The following ABCA1 variants were observed in gnomAD, a reference collection of about 807,000 sequenced individuals.
ABCA1 encodes the protein phospholipid-transporting ATPase ABCA1.
Under a neutral mutation model 262.5 loss-of-function variants are expected in ABCA1, and 133 were observed. The ratio of observed to expected loss-of-function variants is 0.51; its 90% CI spans 0.44 to 0.59. The LOEUF is 0.59. Ranked by LOEUF, ABCA1 falls within the 20% of genes least tolerant of loss-of-function variation. ABCA1 has a pLI of 0.00. For synonymous variants in ABCA1, 1,022 were observed against 1,043.5 expected (o/e 0.98, Z 0.40); for missense variants, 2,452 against 2,777.5 (o/e 0.88, Z 2.63).
chr9:104,903,010 C>T (rs1840791633), intron 2 of ABCA1, among the ~76,000 whole-genome samples: 1 of 152,188 alleles, frequency 6.6e-6, no homozygotes, highest in Admixed American at 6.5e-5. Flanking sequence ...TCACTCTGCT[C>T]TACAGCCCTC....
chr9:104,842,581 C>A (rs1048728497), intron 8 of ABCA1, among the ~76,000 whole-genome samples: 3 of 152,200 alleles, frequency 2.0e-5, no homozygotes, highest in African/African-American at 7.2e-5. Flanking sequence ...AGCTCACACT[C>A]CAAACTTTAT....
At chr9:104,813,418 T>A (rs974726739) in intron 27 of ABCA1, among the ~76,000 whole-genome samples, 2 of 152,202 alleles carry the variant, frequency 1.3e-5, no homozygotes, top group Admixed American at 1.3e-4. Flanking sequence ...TAATTCTTTT[T>A]TTTTCTTTTT....
At position 104,810,958 on chromosome 9, in the gene ABCA1, G is replaced by A. The variant is rs115666991; in HGVS notation, c.4051-34C>T. 2.7e-3 allele frequency: 4,328 copies of A among 1,613,650 alleles called. 68 individuals carry two copies. The African/African-American group carries it at 0.037, about 14-fold the overall frequency. ...AGGCAGTGGAGGGGGCAGGGGGACA[G>A]CAGGAAACGGCAAGTGTTAGAAACA... On this transcript the variant is annotated intron_variant, in intron 28 of 49. Transcript: ENST00000374736.
chr9:104,822,791 AG>A, intron 18 of ABCA1, 124 bp from the exon 19 acceptor site: 1 of 1,095,700 alleles, frequency 9.1e-7, no homozygotes, highest in African/African-American at 1.5e-5. Context: ...CTGGTTTCTC[AG>A]GCAGGCAGGA....
intron 1 of ABCA1, among the ~76,000 whole-genome samples, chr9:104,919,486 C>T (rs1344907695): frequency 6.6e-6 from 1 of 152,144 alleles, no homozygotes; most frequent in Non-Finnish European, 1.5e-5. Flanking sequence ...GTGGCATACG[C>T]CTGTAGTCCC....
intron 8 of ABCA1, among the ~76,000 whole-genome samples, chr9:104,840,925 TAA>T (rs143072975): frequency 0.14 from 21,977 of 152,096 alleles, 1,854 homozygotes; most frequent in African/African-American, 0.23. Context: ...AGTTTATAGA[TAA>T]AAGAATGCTT....
At chr9:104,786,261 T>C (rs1315478140) in intron 48 of ABCA1, 37 bp downstream of exon 48, 2 of 1,503,534 alleles carry the variant, frequency 1.3e-6, no homozygotes, top group Non-Finnish European at 1.9e-6. Context: ...TCAAGCCTTC[T>C]CACTAGGCAC....
rs774249333 is a variant in ABCA1 at position 104,889,215 on chromosome 9, G to T, written c.67-20C>A. On this transcript the variant is annotated intron_variant, in intron 2 of 49. Coordinates refer to ENST00000374736, the MANE Select transcript of ABCA1 (RefSeq NM_005502.4). ...CTGACACTGAGTGGGAAATAAGATA[G>T]AACACTGTAAATTTAAAAATAATAT... 1.2e-6 allele frequency: 2 copies of T among 1,611,586 alleles called. No homozygotes were observed. The highest frequency in any genetic ancestry group is 4.5e-5 in the East Asian group (2 of 44,856).
At chr9:104,892,390 T>A (rs1231767425) in intron 2 of ABCA1, among the ~76,000 whole-genome samples, 1 of 150,404 alleles carries the variant, frequency 6.6e-6, no homozygotes, top group African/African-American at 2.5e-5. Flanking sequence ...ACAATTTTTA[T>A]TTGTCAATTA....
chr9:104,881,105 C>T (rs926831212), intron 5 of ABCA1, among the ~76,000 whole-genome samples: 10 of 152,060 alleles, frequency 6.6e-5, no homozygotes, highest in South Asian at 2.1e-4. Context: ...GCCAAGACTG[C>T]GCCACTGCAC....
chr9:104,921,241 T>C (rs933098226), intron 1 of ABCA1, among the ~76,000 whole-genome samples: 3 of 152,176 alleles, frequency 2.0e-5, no homozygotes, highest in African/African-American at 7.2e-5. Context: ...CCAGATAAAA[T>C]GTTTTGACTT....
chr9:104,904,153 T>G (rs1376082963), intron 1 of ABCA1, among the ~76,000 whole-genome samples: 3 of 152,188 alleles, frequency 2.0e-5, no homozygotes, highest in Non-Finnish European at 1.5e-5. Flanking sequence ...ATGCCTCCCC[T>G]TACATACAAA....
At chr9:104,832,253 C>T (rs985969627) in intron 12 of ABCA1, among the ~76,000 whole-genome samples, 8 of 152,048 alleles carry the variant, frequency 5.3e-5, no homozygotes, top group Non-Finnish European at 8.8e-5. Flanking sequence ...ACAAATAATG[C>T]CTTTTTAAGG....
intron 8 of ABCA1, among the ~76,000 whole-genome samples, chr9:104,840,871 T>C (rs903491404): frequency 4.6e-5 from 7 of 152,198 alleles, no homozygotes; most frequent in African/African-American, 1.4e-4. Context: ...CTGGAGTTAG[T>C]GAAGCCCCTG....
chr9:104,800,663 A>C, intron 34 of ABCA1, 79 bp from the exon 35 acceptor site: 1 of 1,305,974 alleles, frequency 7.7e-7, no homozygotes, highest in Non-Finnish European at 1.1e-6. Flanking sequence ...ACCTGTGGAC[A>C]ACAGGACGGC....
chr9:104,845,446 C>T lies in ABCA1; in HGVS notation c.813+31G>A, dbSNP rs200269840. 297 of 1,513,258 alleles carry T rather than the reference C, an allele frequency of 2.0e-4. No homozygotes were observed. In the African/African-American group the frequency reaches 2.1e-3, roughly 10 times the overall value. 93.7% of individuals were successfully genotyped at this position (1,513,258 alleles called of 1,614,324 possible). On this transcript the variant is annotated intron_variant, in intron 8 of 49. Transcript: ENST00000374736. The stretch of plus-strand genomic sequence containing the variant: ...GAAAATACTGATACAGTGGATGATC[C>T]GCTTCCTGGTACTGGAAAGACACAA...
chr9:104,907,758 A>G (rs1048345011), intron 1 of ABCA1, among the ~76,000 whole-genome samples: 1 of 152,186 alleles, frequency 6.6e-6, no homozygotes, highest in African/African-American at 2.4e-5. Flanking sequence ...TTAGCTAAGG[A>G]CTGGGCAGCC....
rs376019944 is a variant in ABCA1, at chr9:104,785,715, A to T, written c.6402-76T>A. 128 of 1,591,136 alleles carry T rather than the reference A, an allele frequency of 8.0e-5. No individual in the cohort carries two copies. In the African/African-American group the frequency reaches 1.6e-3, roughly 20 times the overall value. ...AAAGAATACTGAACCCTGGGAACCC[A>T]ACTTGTGCCATGAAAAAGGGCGGCC... On this transcript the variant is annotated intron_variant, in intron 48 of 49. Coordinates refer to ENST00000374736, the MANE Select transcript of ABCA1 (RefSeq NM_005502.4).
At chr9:104,789,182 C>T (rs1829191827) in intron 44 of ABCA1, among the ~76,000 whole-genome samples, 1 of 152,196 alleles carries the variant, frequency 6.6e-6, no homozygotes, top group Non-Finnish European at 1.5e-5. Context: ...AATTAGCACC[C>T]CCAGGGTCAG....
Sources: allele counts gnomAD v4.1 joint callset (sites outside exome capture counted in the v4.1 genomes callset), GRCh38; gene constraint gnomAD v4.1.1; transcripts MANE v1.5; gene names NCBI Gene and HGNC (gene_info 2026-07-23, HGNC 2026-07-21).